CREB5: variants seen among roughly 807,000 people sequenced by gnomAD.
The protein encoded by CREB5 is cyclic AMP-responsive element-binding protein 5.
A neutral mutation model predicts 57.1 loss-of-function variants in CREB5; 19 were observed. The ratio of observed to expected loss-of-function variants is 0.33; its 90% CI spans 0.23 to 0.49. The LOEUF is 0.49. CREB5 is among the 20% of genes least tolerant of loss of function. The probability of loss-of-function intolerance (pLI) is 0.99; values close to 1 mark genes in which losing one functional copy is unlikely to be tolerated. For synonymous variants in CREB5, 238 were observed against 238.3 expected (o/e 1.00, Z 0.01); for missense variants, 579 against 671.6 (o/e 0.86, Z 1.52).
chr7:28,469,512 G>T (rs577276385), intron 1 of CREB5, among the ~76,000 whole-genome samples: 3 of 152,258 alleles, frequency 2.0e-5, no homozygotes, highest in African/African-American at 4.8e-5. Context: ...ATAAACATAA[G>T]TTCATACATG....
chr7:28,404,811 T>C (rs1787543471), intron 1 of CREB5, among the ~76,000 whole-genome samples: 1 of 152,218 alleles, frequency 6.6e-6, no homozygotes, highest in South Asian at 2.1e-4. Flanking sequence ...GTTCTCAACT[T>C]TCCTGATTCT....
intron 1 of CREB5, among the ~76,000 whole-genome samples, chr7:28,484,327 C>T (rs1304035027): frequency 6.6e-6 from 1 of 152,084 alleles, no homozygotes; most frequent in Non-Finnish European, 1.5e-5. Flanking sequence ...AAAAATAAAC[C>T]ATGGCTCTTG....
At chr7:28,438,127 C>T (rs77268306) in intron 1 of CREB5, among the ~76,000 whole-genome samples, 1 of 152,150 alleles carries the variant, frequency 6.6e-6, no homozygotes, top group Admixed American at 6.5e-5. Context: ...AAAGACCTTA[C>T]TACCTAGGGT....
intron 4 of CREB5, among the ~76,000 whole-genome samples, chr7:28,560,903 C>CGTGTGTGTGT (rs1477125869): frequency 7.7e-5 from 2 of 26,132 alleles, no homozygotes; most frequent in Non-Finnish European, 1.6e-4. Context: ...TGTGCGTGCG[C>CGTGTGTGTGT]GCGTGCGTGT....
At chr7:28,729,427 C>T (rs1180010979) in intron 7 of CREB5, among the ~76,000 whole-genome samples, 3 of 152,172 alleles carry the variant, frequency 2.0e-5, no homozygotes, top group Non-Finnish European at 4.4e-5. Context: ...GTGAGCAATC[C>T]GTGGTTGCAT....
intron 7 of CREB5, among the ~76,000 whole-genome samples, chr7:28,731,027 A>G (rs1335633796): frequency 6.6e-6 from 1 of 152,200 alleles, no homozygotes; most frequent in Admixed American, 6.5e-5. Context: ...GACCTCATCA[A>G]CTAAATATTG....
intron 5 of CREB5, among the ~76,000 whole-genome samples, chr7:28,627,969 A>G (rs893322027): frequency 1.3e-5 from 2 of 152,112 alleles, no homozygotes; most frequent in African/African-American, 4.8e-5. Flanking sequence ...AATTGTTCAC[A>G]GTTTATATAA....
intron 9 of CREB5, among the ~76,000 whole-genome samples, chr7:28,816,622 A>G (rs1350587343): frequency 6.6e-6 from 1 of 152,126 alleles, no homozygotes; most frequent in East Asian, 1.9e-4. Context: ...GTTGCTTATA[A>G]TTTATTTCAC....
At chr7:28,659,030 AAAATG>A (rs1799485259) in intron 5 of CREB5, among the ~76,000 whole-genome samples, 1 of 143,096 alleles carries the variant, frequency 7.0e-6, no homozygotes, top group Non-Finnish European at 1.5e-5. Context: ...AGGGATTTCC[AAAATG>A]AAATGAGAAT....
At chr7:28,541,433 C>T (rs1258627213) in intron 4 of CREB5, among the ~76,000 whole-genome samples, 2 of 152,042 alleles carry the variant, frequency 1.3e-5, no homozygotes, top group Admixed American at 6.6e-5. Flanking sequence ...TTTGGGAGAC[C>T]GAGACAGGTG....
At chr7:28,726,317 A>G (rs1045238738) in intron 7 of CREB5, among the ~76,000 whole-genome samples, 14 of 152,170 alleles carry the variant, frequency 9.2e-5, no homozygotes, top group South Asian at 2.1e-4. Context: ...ATTTGAAGGG[A>G]AAAATGGTAG....
At chr7:28,788,761 G>A (rs1423933145) in intron 7 of CREB5, among the ~76,000 whole-genome samples, 2 of 151,812 alleles carry the variant, frequency 1.3e-5, no homozygotes, top group South Asian at 2.1e-4. Context: ...AAGGGTAGAA[G>A]GAATCTTTGG....
chr7:28,773,939 G>A (rs1378843218), intron 7 of CREB5, among the ~76,000 whole-genome samples: 13 of 152,282 alleles, frequency 8.5e-5, no homozygotes, highest in African/African-American at 2.4e-4. Flanking sequence ...GTGGATGGAG[G>A]TGTGTTTTCC....
At chr7:28,392,927 ATT>A (rs11289159) in intron 1 of CREB5, among the ~76,000 whole-genome samples, 8 of 146,036 alleles carry the variant, frequency 5.5e-5, no homozygotes, top group South Asian at 2.2e-4. Flanking sequence ...CAAAGCAGCA[ATT>A]TTTTTTTTTT....
chr7:28,329,109 A>C (rs932798196), intron 1 of CREB5, among the ~76,000 whole-genome samples: 1 of 152,192 alleles, frequency 6.6e-6, no homozygotes, highest in Non-Finnish European at 1.5e-5. Context: ...TCATTCTGTA[A>C]AGCTGAGAAT....
chr7:28,702,445 T>C (rs1249963216), intron 5 of CREB5, among the ~76,000 whole-genome samples: 1 of 152,246 alleles, frequency 6.6e-6, no homozygotes. Flanking sequence ...CAGAAAGATC[T>C]ATTACCAATA....
At chr7:28,589,789 C>G (rs1157221878) in intron 5 of CREB5, among the ~76,000 whole-genome samples, 1 of 69,046 alleles carries the variant, frequency 1.4e-5, no homozygotes, top group Admixed American at 1.8e-4. Context: ...CCATTTTTTT[C>G]TCTGCATTAG....
At chr7:28,307,457 G>C (rs1415023715) in intron 1 of CREB5, among the ~76,000 whole-genome samples, 1 of 152,198 alleles carries the variant, frequency 6.6e-6, no homozygotes, top group African/African-American at 2.4e-5. Context: ...CCCCTCACCA[G>C]GTACTGAACT....
chr7:28,461,817 T>C (rs958765944), intron 1 of CREB5, among the ~76,000 whole-genome samples: 26 of 152,286 alleles, frequency 1.7e-4, no homozygotes, highest in African/African-American at 5.8e-4. Context: ...ATTGTCATTT[T>C]TCAAACAGGA....
Sources: allele counts gnomAD v4.1 joint callset (sites outside exome capture counted in the v4.1 genomes callset), GRCh38; gene constraint gnomAD v4.1.1; transcripts MANE v1.5; gene names NCBI Gene and HGNC (gene_info 2026-07-23, HGNC 2026-07-21).